The following TENM4 variants were observed in gnomAD, a reference collection of about 807,000 sequenced individuals.
The protein encoded by TENM4 is teneurin-4.
A neutral mutation model predicts 243.3 loss-of-function variants in TENM4; 82 were observed. That is an observed-to-expected ratio of 0.34 (90% confidence interval 0.28 to 0.40). The LOEUF is 0.40. TENM4 is among the 10% of genes least tolerant of loss of function. The probability of loss-of-function intolerance (pLI) is 1.00; values close to 1 mark genes in which losing one functional copy is unlikely to be tolerated. For missense variants in TENM4, 3,138 were observed against 3,673.3 expected, an observed-to-expected ratio of 0.85 and a Z score of 3.77; for synonymous variants, 1,412 against 1,456.3, an observed-to-expected ratio of 0.97 and a Z score of 0.69.
At chr11:79,359,982 T>C (rs1417548272) in intron 1 of TENM4, among the ~76,000 whole-genome samples, 3 of 152,180 alleles carry the variant, frequency 2.0e-5, no homozygotes, top group East Asian at 1.9e-4. Context: ...CATGTACAGT[T>C]GATAACCTCC....
chr11:78,765,733 T>C (rs1280687581), intron 18 of TENM4, among the ~76,000 whole-genome samples: 3 of 152,220 alleles, frequency 2.0e-5, no homozygotes, highest in Admixed American at 1.3e-4. Flanking sequence ...AGTTTCCCTG[T>C]ATGTAAATGT....
chr11:78,714,877 C>T (rs1298374062), intron 25 of TENM4, among the ~76,000 whole-genome samples: 1 of 152,206 alleles, frequency 6.6e-6, no homozygotes, highest in East Asian at 1.9e-4. Context: ...TGGAGATTTG[C>T]ATCCATTCAT....
intron 1 of TENM4, among the ~76,000 whole-genome samples, chr11:79,368,593 C>A (rs920365372): frequency 1.3e-5 from 2 of 152,174 alleles, no homozygotes; most frequent in Admixed American, 6.5e-5. Flanking sequence ...GTTCTGCAGG[C>A]AATCTGCCTA....
At chr11:78,836,657 T>G (rs1310448338) in intron 12 of TENM4, among the ~76,000 whole-genome samples, 1 of 152,176 alleles carries the variant, frequency 6.6e-6, no homozygotes, top group Non-Finnish European at 1.5e-5. Context: ...TCAGGATTCT[T>G]TAAAATATGC....
chr11:78,988,362 C>T (rs531095116), intron 6 of TENM4, among the ~76,000 whole-genome samples: 1 of 152,306 alleles, frequency 6.6e-6, no homozygotes, highest in Admixed American at 6.5e-5. Context: ...AAAGTCAGAT[C>T]ACTGCCTGTG....
chr11:78,903,803 T>G (rs1855996922), intron 6 of TENM4: 18 of 666,368 alleles, frequency 2.7e-5, no homozygotes, highest in East Asian at 3.0e-5. Context: ...AAAGACTAGT[T>G]ACCCATCTCA....
At chr11:78,665,014 C>T (rs542392009) in intron 32 of TENM4, among the ~76,000 whole-genome samples, 1 of 152,176 alleles carries the variant, frequency 6.6e-6, no homozygotes, top group African/African-American at 2.4e-5. Context: ...TTTACTCTTC[C>T]TTCTTACCAT....
At chr11:79,169,631 AC>A (rs1308483684) in intron 3 of TENM4, among the ~76,000 whole-genome samples, 1 of 151,862 alleles carries the variant, frequency 6.6e-6, no homozygotes, top group East Asian at 1.9e-4. Context: ...GTGTGATGTG[AC>A]CCCCTCCCCC....
At chr11:79,141,472 C>G (rs1239967182) in intron 4 of TENM4, among the ~76,000 whole-genome samples, 2 of 152,022 alleles carry the variant, frequency 1.3e-5, no homozygotes, top group African/African-American at 4.8e-5. Flanking sequence ...AGACTAATGA[C>G]AAGTAATGAG....
At chr11:79,004,531 A>G (rs1165389678) in intron 6 of TENM4, among the ~76,000 whole-genome samples, 1 of 152,238 alleles carries the variant, frequency 6.6e-6, no homozygotes, top group East Asian at 1.9e-4. Flanking sequence ...GTATGAAACT[A>G]AGGCAGAAAT....
In TENM4 at chr11:79,106,114, A is replaced by G. The variant is rs907434462; in HGVS notation, c.-65-36105T>C. On this transcript the variant is annotated intron_variant, in intron 4 of 33. Transcript: ENST00000278550. ...ATAATCATATGAAGTGGAAATCATT[A>G]TCTCCTTTTTATAGACCAGGAAACT... Among the ~76,000 whole-genome samples, 10 of 152,354 alleles carry G rather than the reference A, an allele frequency of 6.6e-5. No individual in the cohort carries two copies. The East Asian group carries it at 1.9e-3, about 29-fold the overall frequency.
intron 28 of TENM4, among the ~76,000 whole-genome samples, chr11:78,692,913 A>G (rs1027833372): frequency 6.6e-6 from 1 of 152,156 alleles, no homozygotes; most frequent in Non-Finnish European, 1.5e-5. Flanking sequence ...CACCGCTTCT[A>G]AGACAGATAA....
At chr11:79,340,555 A>T (rs1196761914) in intron 1 of TENM4, among the ~76,000 whole-genome samples, 1 of 152,096 alleles carries the variant, frequency 6.6e-6, no homozygotes, top group Non-Finnish European at 1.5e-5. Flanking sequence ...CTGCTGCCAT[A>T]GCACACGTTT....
At chr11:78,996,368 T>C (rs766761816) in intron 6 of TENM4, among the ~76,000 whole-genome samples, 1 of 152,152 alleles carries the variant, frequency 6.6e-6, no homozygotes, top group Non-Finnish European at 1.5e-5. Flanking sequence ...GCCTTCCAAC[T>C]GACCCTGTGA....
chr11:79,242,730 T>A (rs925783292), intron 2 of TENM4, among the ~76,000 whole-genome samples: 2 of 152,240 alleles, frequency 1.3e-5, no homozygotes, highest in African/African-American at 4.8e-5. Context: ...TTCACTCACA[T>A]AAATAAAGCT....
chr11:79,182,422 C>T lies in TENM4; in HGVS notation c.-163+33386G>A, dbSNP rs930420678. Among the ~76,000 whole-genome samples, 4 of 152,178 alleles carry T rather than the reference C, an allele frequency of 2.6e-5. No homozygotes were observed. In the East Asian group the frequency reaches 7.7e-4, roughly 29 times the overall value. On this transcript the variant is annotated intron_variant, in intron 3 of 33. Coordinates refer to ENST00000278550, the MANE Select transcript of TENM4 (RefSeq NM_001098816.3). Reference sequence around the variant, plus strand: ...AATTTATCTAGACTTAGACCTCATTCCCTTCACAAGAATTAACTCGAAATG... The same window carrying T: ...AATTTATCTAGACTTAGACCTCATTTCCTTCACAAGAATTAACTCGAAATG...
chr11:79,041,157 G>A (rs1271010648), intron 6 of TENM4, among the ~76,000 whole-genome samples: 4 of 151,388 alleles, frequency 2.6e-5, no homozygotes, highest in Non-Finnish European at 4.4e-5. Flanking sequence ...TCCGCCTCCC[G>A]GGTTCAAGTG....
At chr11:79,341,381 C>G (rs1177540364) in intron 1 of TENM4, among the ~76,000 whole-genome samples, 1 of 152,176 alleles carries the variant, frequency 6.6e-6, no homozygotes, top group African/African-American at 2.4e-5. Context: ...CCTCCACGTG[C>G]CATGCCTATC....
intron 1 of TENM4, among the ~76,000 whole-genome samples, chr11:79,395,301 T>C (rs1858320106): frequency 6.6e-6 from 1 of 152,186 alleles, no homozygotes; most frequent in African/African-American, 2.4e-5. Context: ...ACCATCGTTA[T>C]CTAAAATTGA....
Sources: allele counts gnomAD v4.1 joint callset (sites outside exome capture counted in the v4.1 genomes callset), GRCh38; gene constraint gnomAD v4.1.1; transcripts MANE v1.5; gene names NCBI Gene and HGNC (gene_info 2026-07-23, HGNC 2026-07-21).